PRMT7: variants seen among roughly 807,000 people sequenced by gnomAD.
The protein encoded by PRMT7 is protein arginine methyltransferase 7.
In PRMT7, 75 loss-of-function variants were observed where a neutral mutation model predicts 85.4. That is an observed-to-expected ratio of 0.88 (90% CI 0.73 to 1.06). The LOEUF (loss-of-function observed/expected upper bound fraction) is 1.06. PRMT7 is among the 50% of genes least tolerant of loss of function. The pLI, the probability that PRMT7 is intolerant of heterozygous loss-of-function variation, is 0.00. For synonymous variants in PRMT7, 397 were observed against 359.5 expected (o/e 1.10, Z -1.18); for missense variants, 868 against 915.2 (o/e 0.95, Z 0.67).
chr16:68,341,334 A>G lies in PRMT7; in HGVS notation c.927+1366A>G, dbSNP rs1340288449. Among the ~76,000 whole-genome samples, 5 of 152,246 alleles carry G rather than the reference A, an allele frequency of 3.3e-5. No homozygotes were observed. In the East Asian group the frequency reaches 9.6e-4, roughly 29 times the overall value. On this transcript the variant is annotated intron_variant, in intron 9 of 18. Coordinates refer to ENST00000441236, the MANE Select transcript of PRMT7 (RefSeq NM_019023.5). ...CATTGCAATAAAGACTTTAATTGAC[A>G]CGAAGCCAGCCACACCACGTGGGGG...
chr16:68,316,926 C>T lies in PRMT7; in HGVS notation c.95+852C>T, dbSNP rs1409716803. On this transcript the variant is annotated intron_variant, in intron 3 of 18. Transcript: ENST00000441236. ...GACAGGCACATACAAAATTACAGCA[C>T]AAAAGCCAGGCACGGTGGCTCATGC... The T allele has an allele frequency of 3.2e-5, 4 of 125,488 alleles. No individual in the cohort carries two copies. In the Admixed American group the frequency reaches 4.3e-4, roughly 13 times the overall value. The allele number at this position is 125,488 out of a possible 1,614,324, so 7.8% of individuals were successfully genotyped here.
chr16:68,340,462 T>G (rs2085338941), intron 9 of PRMT7, among the ~76,000 whole-genome samples: 1 of 151,844 alleles, frequency 6.6e-6, no homozygotes, highest in East Asian at 1.9e-4. Flanking sequence ...GCACCTATGC[T>G]CCCAGCCTCT....
At chr16:68,318,311 C>G (rs921682890) in intron 3 of PRMT7, among the ~76,000 whole-genome samples, 2 of 151,336 alleles carry the variant, frequency 1.3e-5, no homozygotes, top group South Asian at 4.2e-4. Context: ...GCCATTCTCC[C>G]GCCTCAGCCT....
At chr16:68,340,060 A>G in intron 9 of PRMT7, 92 bp downstream of exon 9, 1 of 1,308,076 alleles carries the variant, frequency 7.6e-7, no homozygotes. Context: ...ACCCAGGAGA[A>G]TTTAGAGACA....
chr16:68,320,779 C>T (rs1001980306), intron 3 of PRMT7, among the ~76,000 whole-genome samples: 1 of 152,116 alleles, frequency 6.6e-6, no homozygotes, highest in Admixed American at 6.5e-5. Flanking sequence ...TTCTGCAGCA[C>T]TAGAGAATAA....
At chr16:68,331,060 A>T (rs1399351791) in intron 6 of PRMT7, among the ~76,000 whole-genome samples, 1 of 152,202 alleles carries the variant, frequency 6.6e-6, no homozygotes, top group Non-Finnish European at 1.5e-5. Context: ...AGATAATAGA[A>T]CATCTCCATC....
At chr16:68,337,912 C>T (rs541746156) in intron 7 of PRMT7, among the ~76,000 whole-genome samples, 2 of 152,294 alleles carry the variant, frequency 1.3e-5, no homozygotes, top group East Asian at 1.9e-4. Flanking sequence ...GAGAGCAGCA[C>T]GTGCTAGACG....
rs779180874 is a variant in PRMT7, at chr16:68,353,456, C to T, written c.1576-36C>T. Reference sequence around the variant, plus strand: ...GCTGCCACGCTTCCCTGTGTCCTGGCGGGCGGGTGTGGACGGGGCTGCTCC... The same window carrying T: ...GCTGCCACGCTTCCCTGTGTCCTGGTGGGCGGGTGTGGACGGGGCTGCTCC... On this transcript the variant is annotated intron_variant, in intron 15 of 18. Transcript: ENST00000441236. The T allele has an allele frequency of 1.6e-5, 25 of 1,609,488 alleles. No individual in the cohort carries two copies. In the South Asian group the frequency reaches 2.0e-4, roughly 13 times the overall value.
intron 6 of PRMT7, among the ~76,000 whole-genome samples, chr16:68,331,316 A>G (rs535389958): frequency 1.8e-4 from 27 of 152,082 alleles, no homozygotes; most frequent in Non-Finnish European, 3.5e-4. Flanking sequence ...GCACTCTATT[A>G]GATAGATGTA....
Position 68,345,757 on chromosome 16 carries a change from CCCA to C in PRMT7, c.1015_1017del (p.His339del). The C allele has an allele frequency of 6.2e-7, 1 of 1,614,098 alleles. No homozygotes were observed. Among genetic ancestry groups the C allele is most frequent in the Non-Finnish European group, 8.5e-7 (1 of 1,180,020 alleles). ...CAGGGCTCAGCGCTCTATCTGGTAGCCCACCACGATGACTACTGCGTATGGTAC... is the reference window on the plus strand; with the variant it reads ...CAGGGCTCAGCGCTCTATCTGGTAGCCCACGATGACTACTGCGTATGGTAC... On this transcript the variant is annotated inframe_deletion, in exon 10 of 19. Coordinates refer to ENST00000441236, the MANE Select transcript of PRMT7 (RefSeq NM_019023.5).
chr16:68,348,425 C>T lies in PRMT7; in HGVS notation c.1407C>T (p.Gly469=). ...PELLTNEDLQ[G]RKVSLLLGEP... is the part of the protein sequence containing the mutation. Reference sequence around the variant, plus strand: ...TATTAACAAATGAGGACCTACAGGGCAGAAAGGTGAGTAGCGGGAGCCTTT... The same window carrying T: ...TATTAACAAATGAGGACCTACAGGGTAGAAAGGTGAGTAGCGGGAGCCTTT... The change falls in exon 14 of 19, where the codon GGC becomes GGT. Residue 469 remains glycine, a synonymous_variant. Coordinates refer to ENST00000441236, the MANE Select transcript of PRMT7 (RefSeq NM_019023.5). The T allele has an allele frequency of 6.2e-7, 1 of 1,609,720 alleles. No individual in the cohort carries two copies. The highest frequency in any genetic ancestry group is 8.5e-7 in the Non-Finnish European group (1 of 1,176,160).
chr16:68,356,655 T>C (rs141939655), intron 17 of PRMT7, 46 bp from the exon 18 acceptor site: 78 of 1,469,130 alleles, frequency 5.3e-5, no homozygotes, highest in Middle Eastern at 3.5e-4. Context: ...GTTCCCCCGC[T>C]GCCTCTTGTG....
At chr16:68,355,904 G>A in intron 17 of PRMT7, 21 bp downstream of exon 17, 1 of 1,536,626 alleles carries the variant, frequency 6.5e-7, no homozygotes, top group South Asian at 1.2e-5. Flanking sequence ...AGAGGGCTGG[G>A]GGGCAGGGAG....
chr16:68,355,521 C>CA (rs1649332511), intron 16 of PRMT7: 1 of 473,494 alleles, frequency 2.1e-6, no homozygotes. Flanking sequence ...GAGCGAGGCT[C>CA]AGAGCCAGCG....
At chr16:68,328,362 C>G (rs142518850) in intron 5 of PRMT7, 1,681 of 153,390 alleles carry the variant, frequency 0.011, 10 homozygotes, top group Non-Finnish European at 0.015. Flanking sequence ...TCTCACTGCC[C>G]GAGACAAGGC....
downstream of PRMT7, chr16:68,359,178 A>C (rs1313887075): frequency 1.3e-5 from 2 of 152,400 alleles, no homozygotes; most frequent in African/African-American, 4.8e-5. Context: ...CTCCCTGTGC[A>C]GGCAGTCGGC....
chr16:68,312,879 C>T (rs1020632775), intron 2 of PRMT7, among the ~76,000 whole-genome samples: 2 of 152,198 alleles, frequency 1.3e-5, no homozygotes, highest in East Asian at 1.9e-4. Flanking sequence ...GGCTGGAGTG[C>T]AGTGGCGCGA....
chr16:68,338,071 G>A (rs1038649842), intron 7 of PRMT7, among the ~76,000 whole-genome samples: 4 of 152,164 alleles, frequency 2.6e-5, no homozygotes, highest in African/African-American at 7.2e-5. Context: ...GAGGGTAGCT[G>A]TCATTAGAAG....
At chr16:68,311,157 G>T in intron 1 of PRMT7, 58 bp downstream of exon 1, 1 of 638,272 alleles carries the variant, frequency 1.6e-6, no homozygotes, top group Non-Finnish European at 2.9e-6. Flanking sequence ...TGTGCAGCGA[G>T]CATGGTGTCC....
Sources: gnomAD v4.1 joint callset for allele counts (sites outside exome capture counted in the v4.1 genomes callset) on GRCh38, gnomAD v4.1.1 for gene constraint, MANE v1.5 for transcripts, NCBI Gene and HGNC (gene_info 2026-07-23, HGNC 2026-07-21) for gene names.